The following NBPF11 variants were observed in gnomAD, a reference collection of about 807,000 sequenced individuals.
NBPF11 encodes the protein NBPF member 11.
In NBPF11, 72 loss-of-function variants were observed where a neutral mutation model predicts 93.9. The observed-to-expected ratio is 0.77, with a 90% CI of 0.63 to 0.93. The LOEUF is 0.93. Among genes scored for constraint, NBPF11 ranks in the 40% least tolerant of loss-of-function variants. The probability of loss-of-function intolerance (pLI) is 0.00; values close to 1 mark genes in which losing one functional copy is unlikely to be tolerated. For missense variants in NBPF11, 705 were observed against 802.2 expected (o/e 0.88, Z 1.46); for synonymous variants, 224 against 304.9 (o/e 0.73, Z 2.76).
intron 1 of NBPF11, chr1:148,146,369 G>A: frequency 2.0e-6 from 3 of 1,531,702 alleles, no homozygotes; most frequent in South Asian, 1.2e-5. Flanking sequence ...GGCCCCGGTG[G>A]AGGCCCGGCC....
At chr1:148,143,997 T>C (rs1672591010) in intron 1 of NBPF11, among the ~76,000 whole-genome samples, 1 of 151,076 alleles carries the variant, frequency 6.6e-6, no homozygotes, top group Non-Finnish European at 1.5e-5. Flanking sequence ...AGTTAGAGGT[T>C]AGTGAGCTAT....
At chr1:148,131,875 T>G (rs1332898497) in intron 4 of NBPF11, among the ~76,000 whole-genome samples, 5 of 87,184 alleles carry the variant, frequency 5.7e-5, no homozygotes, top group Non-Finnish European at 6.8e-5. Context: ...TTTTCATTCC[T>G]ACAAGTATAA....
intron 18 of NBPF11, among the ~76,000 whole-genome samples, chr1:148,108,187 T>C (rs1375110387): frequency 1.3e-5 from 2 of 151,014 alleles, no homozygotes; most frequent in African/African-American, 2.4e-5. Context: ...ATCTACAGAA[T>C]TGAGACAAAA....
intron 4 of NBPF11, among the ~76,000 whole-genome samples, chr1:148,128,756 CTTAAG>C (rs1271709852): frequency 6.7e-4 from 101 of 150,404 alleles, no homozygotes; most frequent in African/African-American, 2.4e-3. Context: ...ACTTTCACAT[CTTAAG>C]TTAATTTCAA....
At chr1:148,148,414 G>A (rs1429633178) in intron 1 of NBPF11, among the ~76,000 whole-genome samples, 8 of 152,248 alleles carry the variant, frequency 5.3e-5, no homozygotes, top group East Asian at 1.9e-4. Context: ...GACTGGGCAC[G>A]AGGAGGCCTT....
chr1:148,124,075 G>T lies in NBPF11; in HGVS notation c.279-8C>A. On this transcript the variant is annotated splice_polypyrimidine_tract_variant and splice_region_variant and intron_variant, in intron 6 of 23. Transcript: ENST00000682118. ...ACCAGGACTTTATATTGCCTAAGGT[G>T]AGACGGTAGAGAAAATTTAACAGTG... 2 of 1,606,056 alleles carry T rather than the reference G, an allele frequency of 1.2e-6. No homozygotes were observed. Among genetic ancestry groups the T allele is most frequent in the Admixed American group, 1.7e-5 (1 of 59,992 alleles).
intron 1 of NBPF11, among the ~76,000 whole-genome samples, chr1:148,148,588 G>A (rs1647353121): frequency 6.6e-6 from 1 of 151,968 alleles, no homozygotes; most frequent in South Asian, 2.1e-4. Context: ...CACCACCCTC[G>A]ATGCTGACCT....
At position 148,120,516 on chromosome 1, in the gene NBPF11, G is replaced by C; in HGVS notation, c.973C>G (p.Gln325Glu). The change falls in exon 10 of 24, where the codon CAG (glutamine) becomes GAG (glutamate). Residue 325 changes from glutamine (Q) to glutamate (E), a missense_variant. Transcript: ENST00000682118. ...TAGATCTTACTGTATTTGTTCTGCT[G>C]CTTGGCCAGGAAGCAGGCCACTTGA... ...VTQVACFLAK[Q>E]QNKYKYEECK... is the part of the protein sequence containing the mutation. 1.1e-6 allele frequency: 1 copy of C among 915,780 alleles called. No homozygotes were observed. Among genetic ancestry groups the C allele is most frequent in the Non-Finnish European group, 1.8e-6 (1 of 542,816 alleles). 56.7% of individuals were successfully genotyped at this position (915,780 alleles called of 1,614,324 possible).
At chr1:148,132,228 CACACACAT>C (rs1240862684) in intron 4 of NBPF11, among the ~76,000 whole-genome samples, 19 of 145,138 alleles carry the variant, frequency 1.3e-4, no homozygotes, top group East Asian at 4.1e-4. Context: ...CACACACACA[CACACACAT>C]GTTTGTGTGT....
chr1:148,110,460 T>C lies in NBPF11; in HGVS notation c.1719A>G (p.Glu573=), dbSNP rs1664985387. ...EGYSTLSIPP[E]RLASYQSYSS... is the part of the protein sequence containing the mutation. ...TGTAAGACTGGTACGAGGCCAACCTTTCAGGAGGAATTGAGAGAGTCGAAT... is the reference window on the plus strand; with the variant it reads ...TGTAAGACTGGTACGAGGCCAACCTCTCAGGAGGAATTGAGAGAGTCGAAT... Residue 573 remains glutamate (E), a synonymous_variant, in exon 16 of 24, where the codon GAA becomes GAG. Coordinates refer to ENST00000682118, the MANE Select transcript of NBPF11 (RefSeq NM_001385469.3). 1 of 1,590,726 alleles carries C rather than the reference T, an allele frequency of 6.3e-7. No individual in the cohort carries two copies. Among genetic ancestry groups the C allele is most frequent in the Non-Finnish European group, 8.6e-7 (1 of 1,164,154 alleles).
chr1:148,107,307 G>A (rs1172549930), intron 19 of NBPF11, among the ~76,000 whole-genome samples, 193 bp from the exon 20 acceptor site: 1 of 148,176 alleles, frequency 6.7e-6, no homozygotes, highest in East Asian at 1.9e-4. Flanking sequence ...AGAAAGACAG[G>A]GAGAGGGAGA....
chr1:148,106,385 C>A (rs1181369820), intron 20 of NBPF11, among the ~76,000 whole-genome samples, 153 bp from the exon 21 acceptor site: 1 of 149,566 alleles, frequency 6.7e-6, no homozygotes, highest in Non-Finnish European at 1.5e-5. Context: ...GAAAGCTGGT[C>A]ATGATATTCT....
At position 148,103,931 on chromosome 1, in the gene NBPF11, C is replaced by T. The variant is rs1191822269; in HGVS notation, c.2582-19G>A. The stretch of plus-strand genomic sequence containing the variant: ...GCTGAGCCTGGAAAAGGAGACAAAA[C>T]TAAAGAAGCAGCCAGGGAAAATCAG... On this transcript the variant is annotated intron_variant, in intron 23 of 23. Coordinates refer to ENST00000682118, the MANE Select transcript of NBPF11 (RefSeq NM_001385469.3). 3 of 1,610,492 alleles carry T rather than the reference C, an allele frequency of 1.9e-6. No homozygotes were observed. The highest frequency in any genetic ancestry group is 1.3e-5 in the African/African-American group (1 of 74,598).
intron 15 of NBPF11, among the ~76,000 whole-genome samples, chr1:148,111,464 G>C (rs1665246998): frequency 6.6e-6 from 1 of 151,920 alleles, no homozygotes; most frequent in African/African-American, 2.4e-5. Flanking sequence ...CTGAGCTAAA[G>C]GAGGATGTGC....
At chr1:148,105,261 T>G (rs1236166759) in intron 22 of NBPF11, 99 bp downstream of exon 22, 13 of 660,794 alleles carry the variant, frequency 2.0e-5, no homozygotes, top group Non-Finnish European at 3.2e-5. Context: ...ACTGCGGCAA[T>G]GACATCTCTC....
At position 148,103,530 on chromosome 1, in the gene NBPF11, C is replaced by G; in HGVS notation, c.*366G>C. 2 of 1,498,380 alleles carry G rather than the reference C, an allele frequency of 1.3e-6. No individual in the cohort carries two copies. Among genetic ancestry groups the G allele is most frequent in the Non-Finnish European group, 1.8e-6 (2 of 1,102,004 alleles). The allele number at this position is 1,498,380 out of a possible 1,614,324, so 92.8% of individuals were successfully genotyped here. A position where few individuals can be genotyped will look rare whatever the true frequency, so the allele number is the denominator to read the frequency against. On this transcript the variant is annotated 3_prime_UTR_variant, in exon 24 of 24. Transcript: ENST00000682118. ...GAGCACAGGTTGCCACTGGCATGCT[C>G]TGAGAATAGGAATAGAGCCATGCCC...
At position 148,146,749 on chromosome 1, in the gene NBPF11, G is replaced by A. The variant is rs1450285295; in HGVS notation, c.-548-3063C>T. ...CAGGTACACGGTCCTCTTCTCGCAC[G>A]GCAATGCCGTGGACCTGGGCCAGAT... On this transcript the variant is annotated intron_variant, in intron 1 of 23. Coordinates refer to ENST00000682118, the MANE Select transcript of NBPF11 (RefSeq NM_001385469.3). 13 of 1,612,726 alleles carry A rather than the reference G, an allele frequency of 8.1e-6. 1 individual carries two copies. Among genetic ancestry groups the A allele is most frequent in the South Asian group, 4.4e-5 (4 of 91,026 alleles).
rs782661911 is a variant in NBPF11, at chr1:148,124,901, G to A, written c.276C>T (p.Leu92=). 37 of 1,609,162 alleles carry A rather than the reference G, an allele frequency of 2.3e-5. No individual in the cohort carries two copies. The highest frequency in any genetic ancestry group is 3.1e-5 in the Non-Finnish European group (36 of 1,179,940). The change falls in exon 6 of 24, where the codon CTC becomes CTT. Residue 92 remains leucine, a splice_region_variant and synonymous_variant. Coordinates refer to ENST00000682118, the MANE Select transcript of NBPF11 (RefSeq NM_001385469.3). ...CTCCCCCTACGGGGTCCCCTCACCT[G>A]AGCTCCTCAGCTTGCTTGAGCTGCT... ...LAEQLKQAEE[L]RQYKVLVHSQ...
At chr1:148,138,561 T>C (rs1339788407) in intron 2 of NBPF11, among the ~76,000 whole-genome samples, 2 of 151,878 alleles carry the variant, frequency 1.3e-5, no homozygotes, top group Non-Finnish European at 2.9e-5. Flanking sequence ...GTGATGACTC[T>C]TAACAAGCAT....
Sources: allele counts gnomAD v4.1 joint callset (sites outside exome capture counted in the v4.1 genomes callset), GRCh38; gene constraint gnomAD v4.1.1; transcripts MANE v1.5; gene names NCBI Gene and HGNC (gene_info 2026-07-23, HGNC 2026-07-21).